Variants in POU6F2 observed in about 807,000 individuals in gnomAD.
POU6F2 encodes the protein POU class 6 homeobox 2.
A neutral mutation model predicts 71.3 loss-of-function variants in POU6F2; 31 were observed. That is an observed-to-expected ratio of 0.43 (90% CI 0.33 to 0.59). POU6F2 has a LOEUF of 0.59. POU6F2 is among the 20% of genes least tolerant of loss of function. POU6F2 has a pLI of 0.04. For missense variants in POU6F2, 783 were observed against 856.8 expected, an observed-to-expected ratio of 0.91 and a Z score of 1.07; for synonymous variants, 347 against 355.7, an observed-to-expected ratio of 0.98 and a Z score of 0.27.
At chr7:39,003,137 T>C (rs1156281081) in intron 1 of POU6F2, among the ~76,000 whole-genome samples, 2 of 152,106 alleles carry the variant, frequency 1.3e-5, no homozygotes. Context: ...TTATAAATAA[T>C]ACAGAAAGAT....
intron 4 of POU6F2, among the ~76,000 whole-genome samples, chr7:39,213,147 A>G (rs1189128427): frequency 6.6e-6 from 1 of 152,244 alleles, no homozygotes; most frequent in Non-Finnish European, 1.5e-5. Flanking sequence ...CAAGCATAAC[A>G]TTTAAATTAA....
intron 5 of POU6F2, among the ~76,000 whole-genome samples, chr7:39,369,915 A>G (rs1036226633): frequency 1.3e-5 from 2 of 151,754 alleles, no homozygotes; most frequent in African/African-American, 4.8e-5. Context: ...GCTGGCGTCA[A>G]ACTCCTGGGC....
At chr7:39,381,232 T>A (rs947023617) in intron 5 of POU6F2, among the ~76,000 whole-genome samples, 6 of 151,610 alleles carry the variant, frequency 4.0e-5, no homozygotes, top group African/African-American at 1.5e-4. Flanking sequence ...GCCCAGCTAA[T>A]TTTTGTTTCT....
intron 4 of POU6F2, among the ~76,000 whole-genome samples, chr7:39,224,515 C>T (rs1201983787): frequency 1.3e-5 from 2 of 152,154 alleles, no homozygotes; most frequent in Non-Finnish European, 2.9e-5. Flanking sequence ...GCAGTTGGAG[C>T]AGAATGCTAC....
intron 6 of POU6F2, among the ~76,000 whole-genome samples, chr7:39,416,696 G>A (rs917965116): frequency 1.5e-4 from 23 of 152,232 alleles, no homozygotes; most frequent in African/African-American, 5.5e-4. Flanking sequence ...AGACACCACT[G>A]ATTTTAAATT....
chr7:39,084,537 A>C (rs1791194646), intron 1 of POU6F2, among the ~76,000 whole-genome samples: 1 of 152,190 alleles, frequency 6.6e-6, no homozygotes, highest in African/African-American at 2.4e-5. Flanking sequence ...TGATGCACAG[A>C]GTCCAATATT....
rs577585095 is a variant in POU6F2, at chr7:39,166,352, C to T, written c.278-37883C>T. Among the ~76,000 whole-genome samples, 11 of 152,304 alleles carry T rather than the reference C, an allele frequency of 7.2e-5. No individual in the cohort carries two copies. The South Asian group carries it at 2.1e-3, about 29-fold the overall frequency. ...ATTCACAGTCCATTTTACATATTAA[C>T]GGGAGTTAGACTTTCTCTCCAAGTT... On this transcript the variant is annotated intron_variant, in intron 2 of 9. Coordinates refer to ENST00000518318, the MANE Select transcript of POU6F2 (RefSeq NM_001370959.1).
intron 4 of POU6F2, among the ~76,000 whole-genome samples, chr7:39,232,627 C>A (rs1794597197): frequency 6.6e-6 from 1 of 152,138 alleles, no homozygotes; most frequent in African/African-American, 2.4e-5. Flanking sequence ...GAAGATCTAA[C>A]CAGAATGAAT....
At chr7:39,242,842 T>G (rs183908305) in intron 4 of POU6F2, among the ~76,000 whole-genome samples, 1 of 152,260 alleles carries the variant, frequency 6.6e-6, no homozygotes, top group Admixed American at 6.5e-5. Context: ...AGTAACTTAA[T>G]CTTCACACCA....
chr7:39,377,087 ATAACT>A (rs1426705318), intron 5 of POU6F2, among the ~76,000 whole-genome samples: 1 of 148,278 alleles, frequency 6.7e-6, no homozygotes, highest in African/African-American at 2.4e-5. Flanking sequence ...TAGGTATTAA[ATAACT>A]TAAATATTAA....
chr7:39,378,314 A>G (rs1786750166), intron 5 of POU6F2, among the ~76,000 whole-genome samples: 2 of 152,182 alleles, frequency 1.3e-5, no homozygotes, highest in South Asian at 2.1e-4. Context: ...TGCAGATGTC[A>G]TAGCTCTTGA....
intron 1 of POU6F2, among the ~76,000 whole-genome samples, chr7:39,047,338 C>A (rs1415142938): frequency 6.6e-6 from 1 of 151,806 alleles, no homozygotes; most frequent in Non-Finnish European, 1.5e-5. Flanking sequence ...GTTTTCCAAT[C>A]CATGAAAAGG....
chr7:39,108,137 A>G (rs1242210813), intron 2 of POU6F2, among the ~76,000 whole-genome samples: 1 of 152,206 alleles, frequency 6.6e-6, no homozygotes, highest in Non-Finnish European at 1.5e-5. Flanking sequence ...CTGTAAGATG[A>G]GGGCGACCAT....
At chr7:39,125,417 C>G (rs118138696) in intron 2 of POU6F2, among the ~76,000 whole-genome samples, 2,167 of 152,260 alleles carry the variant, frequency 0.014, 30 homozygotes, top group Middle Eastern at 0.041. Flanking sequence ...ATAACCTGTA[C>G]TCTTTGAGCA....
chr7:39,248,954 C>T (rs922139830), intron 4 of POU6F2, among the ~76,000 whole-genome samples: 13 of 152,234 alleles, frequency 8.5e-5, no homozygotes, highest in Middle Eastern at 6.8e-3. Flanking sequence ...ATGGCTCACC[C>T]CCAAGGAGCT....
At chr7:38,991,304 C>A (rs1323363860) in intron 1 of POU6F2, among the ~76,000 whole-genome samples, 3 of 151,964 alleles carry the variant, frequency 2.0e-5, no homozygotes, top group Non-Finnish European at 4.4e-5. Flanking sequence ...TAAATAAGAC[C>A]CTTTCTTTAA....
chr7:39,006,303 A>G (rs1789067742), intron 1 of POU6F2, among the ~76,000 whole-genome samples: 1 of 152,040 alleles, frequency 6.6e-6, no homozygotes, highest in African/African-American at 2.4e-5. Flanking sequence ...ATCTCTACTA[A>G]AAATACAAAA....
chr7:39,094,411 T>G (rs1791414776), intron 2 of POU6F2, among the ~76,000 whole-genome samples: 1 of 152,156 alleles, frequency 6.6e-6, no homozygotes. Flanking sequence ...ATATTTATCC[T>G]TTTCTTTTTT....
intron 2 of POU6F2, among the ~76,000 whole-genome samples, chr7:39,151,869 G>A (rs547909431): frequency 1.4e-4 from 21 of 152,228 alleles, no homozygotes; most frequent in African/African-American, 4.8e-4. Context: ...GTAAGGAAGG[G>A]GACCGCTGGT....
Sources: allele counts gnomAD v4.1 joint callset (sites outside exome capture counted in the v4.1 genomes callset), GRCh38; gene constraint gnomAD v4.1.1; transcripts MANE v1.5; gene names NCBI Gene and HGNC (gene_info 2026-07-23, HGNC 2026-07-21).